Variants in GCNT2 observed in about 807,000 individuals in gnomAD.
The protein encoded by GCNT2 is glucosaminyl (N-acetyl) transferase 2 (I blood group), also known as N-acetyllactosaminide beta-1,6-N-acetylglucosaminyl-transferase.
A neutral mutation model predicts 34.2 loss-of-function variants in GCNT2; 34 were observed. That is an observed-to-expected ratio of 1.00 (90% CI 0.76 to 1.32). The LOEUF (loss-of-function observed/expected upper bound fraction) is 1.32, where lower values mean the gene tolerates loss of function less well. Among genes scored for constraint, GCNT2 ranks in the 40% most tolerant of loss-of-function variants. The pLI is 0.00. For synonymous variants in GCNT2, 212 were observed against 188.0 expected (o/e 1.13, Z -1.04); for missense variants, 584 against 489.4 (o/e 1.19, Z -1.82).
chr6:10,591,631 C>G (rs573828401), intron 3 of GCNT2, among the ~76,000 whole-genome samples: 2 of 152,320 alleles, frequency 1.3e-5, no homozygotes, highest in African/African-American at 4.8e-5. Flanking sequence ...TTCCTTGCAC[C>G]TGGTGTGAGT....
intron 3 of GCNT2, among the ~76,000 whole-genome samples, chr6:10,615,115 A>G (rs1364830541): frequency 1.3e-5 from 2 of 152,224 alleles, no homozygotes; most frequent in East Asian, 1.9e-4. Context: ...AGACTAACCT[A>G]CAAACCTGAT....
chr6:10,541,492 A>T (rs1762035745), intron 3 of GCNT2, among the ~76,000 whole-genome samples: 1 of 152,176 alleles, frequency 6.6e-6, no homozygotes, highest in African/African-American at 2.4e-5. Context: ...ATGTATCTTT[A>T]TGACAGAATG....
intron 3 of GCNT2, among the ~76,000 whole-genome samples, chr6:10,561,351 G>A (rs940124702): frequency 3.9e-5 from 6 of 152,066 alleles, no homozygotes; most frequent in South Asian, 2.1e-4. Context: ...TAGTAGAGAC[G>A]GGGTTTCTCC....
chr6:10,605,575 T>A (rs1482357746), intron 3 of GCNT2, among the ~76,000 whole-genome samples: 1 of 152,012 alleles, frequency 6.6e-6, no homozygotes, highest in Non-Finnish European at 1.5e-5. Flanking sequence ...TCAAAATGCC[T>A]GGGAGATGGG....
At chr6:10,563,775 AAAATATAT>A (rs1425192600) in intron 3 of GCNT2, among the ~76,000 whole-genome samples, 15 of 30,460 alleles carry the variant, frequency 4.9e-4, no homozygotes, top group South Asian at 1.6e-3. Flanking sequence ...AAAAAAAAAA[AAAATATAT>A]ATATATATAT....
intron 3 of GCNT2, among the ~76,000 whole-genome samples, chr6:10,574,361 C>T (rs1413867752): frequency 6.6e-6 from 1 of 152,186 alleles, no homozygotes; most frequent in East Asian, 1.9e-4. Context: ...GAGGTAGTTT[C>T]TATTACCTTC....
chr6:10,532,297 A>G (rs1436063441), intron 3 of GCNT2, among the ~76,000 whole-genome samples: 1 of 152,204 alleles, frequency 6.6e-6, no homozygotes, highest in East Asian at 1.9e-4. Context: ...TGTTAGCAGT[A>G]ACAGATTGGC....
intron 3 of GCNT2, among the ~76,000 whole-genome samples, chr6:10,548,913 C>T (rs2113626110): frequency 6.6e-6 from 1 of 152,346 alleles, no homozygotes; most frequent in African/African-American, 2.4e-5. Flanking sequence ...CGCATGCCAC[C>T]ACACCCGGCT....
At chr6:10,540,032 C>T (rs1007180720) in intron 3 of GCNT2, among the ~76,000 whole-genome samples, 2 of 150,308 alleles carry the variant, frequency 1.3e-5, no homozygotes, top group South Asian at 2.1e-4. Flanking sequence ...GAGGGGTGGT[C>T]GTGACATTGC....
chr6:10,599,581 G>C (rs1765011916), intron 3 of GCNT2, among the ~76,000 whole-genome samples: 1 of 152,152 alleles, frequency 6.6e-6, no homozygotes, highest in Admixed American at 6.5e-5. Flanking sequence ...GTCCGCCAGT[G>C]GTCCCCAGAG....
chr6:10,547,185 T>A (rs1762309743), intron 3 of GCNT2, among the ~76,000 whole-genome samples: 1 of 152,248 alleles, frequency 6.6e-6, no homozygotes, highest in South Asian at 2.1e-4. Flanking sequence ...TATATTTTTC[T>A]TAAACTATTT....
chr6:10,526,987 G>A (rs1023256025), intron 1 of GCNT2, among the ~76,000 whole-genome samples: 2 of 152,018 alleles, frequency 1.3e-5, no homozygotes, highest in Non-Finnish European at 2.9e-5. Flanking sequence ...TTTAATAAAA[G>A]TTAGAAGATA....
At chr6:10,564,671 C>G (rs1244290804) in intron 3 of GCNT2, among the ~76,000 whole-genome samples, 1 of 152,206 alleles carries the variant, frequency 6.6e-6, no homozygotes, top group Non-Finnish European at 1.5e-5. Context: ...GACAAAGTAC[C>G]TGACTTTTGT....
In GCNT2 at chr6:10,528,874, C is replaced by T; in HGVS notation, c.-38C>T. 4.0e-6 allele frequency: 6 copies of T among 1,482,762 alleles called. No individual in the cohort carries two copies. Among genetic ancestry groups the T allele is most frequent in the Non-Finnish European group, 5.7e-6 (6 of 1,061,134 alleles). The allele number at this position is 1,482,762 out of a possible 1,614,324, so 91.9% of individuals were successfully genotyped here. On this transcript the variant is annotated 5_prime_UTR_variant, in exon 3 of 5. Coordinates refer to ENST00000495262, the MANE Select transcript of GCNT2 (RefSeq NM_145649.5). ...AAATATATCTACACTCTGATCCTAT[C>T]TCAAGAGAGAGATATTTTACTCATT...
intron 3 of GCNT2, among the ~76,000 whole-genome samples, chr6:10,592,067 GA>G (rs1452761624): frequency 2.0e-5 from 3 of 151,594 alleles, no homozygotes; most frequent in African/African-American, 7.3e-5. Flanking sequence ...TACAAACGTT[GA>G]ATGATGGGGT....
intron 3 of GCNT2, among the ~76,000 whole-genome samples, chr6:10,589,243 G>A (rs1764520607): frequency 6.7e-6 from 1 of 148,606 alleles, no homozygotes; most frequent in East Asian, 2.0e-4. Context: ...TCTGGTGTGT[G>A]TGTGGTGTGT....
At chr6:10,558,820 C>A (rs1054959874) in intron 3 of GCNT2, among the ~76,000 whole-genome samples, 1 of 152,224 alleles carries the variant, frequency 6.6e-6, no homozygotes, top group South Asian at 2.1e-4. Context: ...TCGTATGCTG[C>A]GCACACTGTT....
intron 3 of GCNT2, among the ~76,000 whole-genome samples, chr6:10,542,255 A>G (rs908808298): frequency 6.6e-6 from 1 of 152,220 alleles, no homozygotes; most frequent in East Asian, 1.9e-4. Flanking sequence ...AAGATTTTCT[A>G]GAAGGCTTGC....
intron 3 of GCNT2, among the ~76,000 whole-genome samples, chr6:10,563,640 G>C (rs917004183): frequency 6.6e-6 from 1 of 151,480 alleles, no homozygotes; most frequent in Non-Finnish European, 1.5e-5. Context: ...TACTTGGGAG[G>C]CTGAGGCAGG....
Sources: gnomAD v4.1 joint callset for allele counts (sites outside exome capture counted in the v4.1 genomes callset) on GRCh38, gnomAD v4.1.1 for gene constraint, MANE v1.5 for transcripts, NCBI Gene and HGNC (gene_info 2026-07-23, HGNC 2026-07-21) for gene names.